The following WNT2 variants were observed in gnomAD, a reference collection of about 807,000 sequenced individuals.
The protein encoded by WNT2 is protein Wnt-2.
Under a neutral mutation model 36.9 loss-of-function variants are expected in WNT2, and 12 were observed. The observed-to-expected ratio is 0.33, with a 90% CI of 0.21 to 0.53. The LOEUF is 0.53. Among genes scored for constraint, WNT2 ranks in the 20% least tolerant of loss-of-function variants. The pLI is 0.95. For missense variants in WNT2, 379 were observed against 473.1 expected, an observed-to-expected ratio of 0.80 and a Z score of 1.84; for synonymous variants, 163 against 174.6, an observed-to-expected ratio of 0.93 and a Z score of 0.52.
chr7:117,319,356 C>T (rs1293835258), intron 2 of WNT2, among the ~76,000 whole-genome samples: 1 of 152,086 alleles, frequency 6.6e-6, no homozygotes, highest in Non-Finnish European at 1.5e-5. Context: ...AGTAAATTAA[C>T]TTTAGGGATA....
intron 3 of WNT2, 83 bp from the exon 4 acceptor site, chr7:117,297,959 G>A: frequency 6.7e-7 from 1 of 1,493,438 alleles, no homozygotes; most frequent in Non-Finnish European, 9.0e-7. Flanking sequence ...CAGCAATCCA[G>A]AAGTGATTCT....
chr7:117,308,651 T>A (rs1795061808), intron 3 of WNT2, among the ~76,000 whole-genome samples: 1 of 152,176 alleles, frequency 6.6e-6, no homozygotes, highest in African/African-American at 2.4e-5. Context: ...AACAAATACC[T>A]ACTAAGTGAA....
At chr7:117,290,982 T>A (rs893190635) in intron 4 of WNT2, among the ~76,000 whole-genome samples, 3 of 152,226 alleles carry the variant, frequency 2.0e-5, no homozygotes, top group African/African-American at 4.8e-5. Flanking sequence ...TTAATCATGT[T>A]TAATCATTAA....
At chr7:117,320,442 GC>G in intron 2 of WNT2, 124 bp downstream of exon 2, 1 of 934,388 alleles carries the variant, frequency 1.1e-6, no homozygotes, top group Non-Finnish European at 1.6e-6. Flanking sequence ...GGACAATGAC[GC>G]CCAACTGAAC....
chr7:117,301,046 T>TC (rs200406545), intron 3 of WNT2: 1 of 120,762 alleles, frequency 8.3e-6, no homozygotes, highest in Admixed American at 8.2e-5. Flanking sequence ...TAAACTTTCC[T>TC]CCTTTTTTTA....
At chr7:117,279,938 G>C (rs1207055409) in intron 4 of WNT2, among the ~76,000 whole-genome samples, 1 of 152,230 alleles carries the variant, frequency 6.6e-6, no homozygotes, top group African/African-American at 2.4e-5. Flanking sequence ...CCTCGTGACT[G>C]TCTCTCTGTT....
intron 4 of WNT2, among the ~76,000 whole-genome samples, chr7:117,296,303 G>A (rs533712977): frequency 2.6e-5 from 4 of 152,180 alleles, no homozygotes; most frequent in Non-Finnish European, 5.9e-5. Flanking sequence ...TGGGCTGCAT[G>A]TAGCAACCTG....
intron 3 of WNT2, among the ~76,000 whole-genome samples, chr7:117,314,691 GTCTAA>G (rs1610915): frequency 0.25 from 38,125 of 151,948 alleles, 4,986 homozygotes; most frequent in Non-Finnish European, 0.28. Flanking sequence ...GATGCTCTGG[GTCTAA>G]TCTTTATATC....
intron 3 of WNT2, among the ~76,000 whole-genome samples, chr7:117,303,146 T>A (rs1233377940): frequency 6.6e-6 from 1 of 152,180 alleles, no homozygotes. Flanking sequence ...CTCAGTTGAT[T>A]GATTCTAATA....
At chr7:117,310,152 G>A (rs778513724) in intron 3 of WNT2, among the ~76,000 whole-genome samples, 1 of 152,098 alleles carries the variant, frequency 6.6e-6, no homozygotes, top group East Asian at 1.9e-4. Context: ...TTTCAAAGTG[G>A]ACTCTAGAGA....
At chr7:117,291,467 T>C (rs1158303721) in intron 4 of WNT2, among the ~76,000 whole-genome samples, 1 of 152,160 alleles carries the variant, frequency 6.6e-6, no homozygotes, top group African/African-American at 2.4e-5. Flanking sequence ...AACCTATCTG[T>C]ACCTTAAGGG....
rs369134361 is a variant in WNT2, at chr7:117,299,977, T to G, written c.589-2101A>C. 7.9e-5 allele frequency among the ~76,000 whole-genome samples: 12 copies of G among 152,324 alleles called. No individual in the cohort carries two copies. The East Asian group carries it at 2.3e-3, about 29-fold the overall frequency. ...CTGTGCAACCTCCTCCCTTCCTTGC[T>G]AACAGTTTTTGTTCAGATGTTGGGC... On this transcript the variant is annotated intron_variant, in intron 3 of 4. Coordinates refer to ENST00000265441, the MANE Select transcript of WNT2 (RefSeq NM_003391.3).
intron 4 of WNT2, among the ~76,000 whole-genome samples, chr7:117,282,391 A>G (rs1794504629): frequency 7.0e-6 from 1 of 143,756 alleles, no homozygotes; most frequent in Non-Finnish European, 1.5e-5. Context: ...GGAAGAAGGG[A>G]AAGAGGAAGA....
In WNT2 at chr7:117,304,963, G is replaced by T. The variant is rs116691370; in HGVS notation, c.589-7087C>A. Among the ~76,000 whole-genome samples, 1,142 of 152,236 alleles carry T rather than the reference G, an allele frequency of 7.5e-3. 16 individuals are homozygous for T. The highest frequency in any genetic ancestry group is 0.026 in the African/African-American group (1,097 of 41,532). On this transcript the variant is annotated intron_variant, in intron 3 of 4. Transcript: ENST00000265441. Reference sequence around the variant, plus strand: ...TGGTAAGTTTAGAGGAAGGAGCAGGGCTTGTGTGCCTGGGTTCTTTCTCTT... The same window carrying T: ...TGGTAAGTTTAGAGGAAGGAGCAGGTCTTGTGTGCCTGGGTTCTTTCTCTT...
chr7:117,298,661 G>C (rs113119153), intron 3 of WNT2, among the ~76,000 whole-genome samples: 4 of 152,304 alleles, frequency 2.6e-5, no homozygotes, highest in African/African-American at 9.6e-5. Flanking sequence ...AGAGGGGACA[G>C]GTGGGCCTGA....
chr7:117,276,345 T>C lies in WNT2; in HGVS notation c.*1810A>G, dbSNP rs1463594651. ...ACCAACCTTCAGGGTAACTGAAGAC[T>C]GAGCAGCTGCCCATGTGCCTGGCCT... On this transcript the variant is annotated 3_prime_UTR_variant, in exon 5 of 5. Transcript: ENST00000265441. Among the ~76,000 whole-genome samples, 1 of 152,246 alleles carries C rather than the reference T, an allele frequency of 6.6e-6. No homozygotes were observed. Among genetic ancestry groups the C allele is most frequent in the East Asian group, 1.9e-4 (1 of 5,204 alleles).
intron 3 of WNT2, among the ~76,000 whole-genome samples, chr7:117,299,503 T>C (rs1424599404): frequency 2.0e-5 from 3 of 151,568 alleles, no homozygotes; most frequent in South Asian, 2.1e-4. Context: ...TCTTTTTTTT[T>C]TTTTTTTGAG....
chr7:117,307,775 A>G (rs192373572), intron 3 of WNT2, among the ~76,000 whole-genome samples: 1 of 152,264 alleles, frequency 6.6e-6, no homozygotes, highest in Admixed American at 6.5e-5. Flanking sequence ...GTCATGTCAT[A>G]CTGATTTTCT....
intron 4 of WNT2, among the ~76,000 whole-genome samples, chr7:117,287,977 G>A (rs559121466): frequency 6.6e-6 from 1 of 151,988 alleles, no homozygotes; most frequent in Non-Finnish European, 1.5e-5. Context: ...GACAGAGCAA[G>A]ACTCCGTCTC....
Sources: allele counts gnomAD v4.1 joint callset (sites outside exome capture counted in the v4.1 genomes callset), GRCh38; gene constraint gnomAD v4.1.1; transcripts MANE v1.5; gene names NCBI Gene and HGNC (gene_info 2026-07-23, HGNC 2026-07-21).